Variants in EML6 observed in about 807,000 individuals in gnomAD.
EML6 encodes echinoderm microtubule-associated protein-like 6.
A neutral mutation model predicts 240.1 loss-of-function variants in EML6; 154 were observed. That is an observed-to-expected ratio of 0.64 (90% CI 0.56 to 0.73). The LOEUF (loss-of-function observed/expected upper bound fraction) is 0.73. Among genes scored for constraint, EML6 ranks in the 30% least tolerant of loss-of-function variants. The pLI, the probability that EML6 is intolerant of heterozygous loss-of-function variation, is 0.00. For synonymous variants in EML6, 1,148 were observed against 899.0 expected (o/e 1.28, Z -4.95); for missense variants, 2,964 against 2,474.6 (o/e 1.20, Z -4.20).
At chr2:54,735,775 T>C (rs571904155) in intron 2 of EML6, among the ~76,000 whole-genome samples, 1 of 152,360 alleles carries the variant, frequency 6.6e-6, no homozygotes, top group East Asian at 1.9e-4. Context: ...AAGCAACTTT[T>C]GAAAATCTGT....
chr2:54,855,272 G>C lies in EML6; in HGVS notation c.1657+1417G>C, dbSNP rs546339619. Among the ~76,000 whole-genome samples the C allele has an allele frequency of 3.3e-5, 5 of 152,176 alleles. No individual in the cohort carries two copies. The South Asian group carries it at 1.0e-3, about 32-fold the overall frequency. ...GCTCAGGAAACTTACAATCATGGCA[G>C]AAGGTGAGGGGGAGAAGGTACGTCA... is the stretch of plus-strand genomic sequence containing the variant. On this transcript the variant is annotated intron_variant, in intron 11 of 41. Transcript: ENST00000356458.
intron 2 of EML6, among the ~76,000 whole-genome samples, chr2:54,779,353 T>C (rs374823759): frequency 6.6e-6 from 1 of 150,724 alleles, no homozygotes; most frequent in Non-Finnish European, 1.5e-5. Flanking sequence ...AGCCTGGCCA[T>C]CATGGTGAAA....
In EML6 at chr2:54,954,287, A is replaced by AC; in HGVS notation, c.4486+132dup. 3 of 783,058 alleles carry AC rather than the reference A, an allele frequency of 3.8e-6. No homozygotes were observed. In the South Asian group the frequency reaches 6.0e-5, roughly 16 times the overall value. 48.5% of individuals were successfully genotyped at this position (783,058 alleles called of 1,614,324 possible). On this transcript the variant is annotated intron_variant, in intron 32 of 41. Transcript: ENST00000356458. ...CTGACTGCTGCTGGGCAAGTGGAAA[A>AC]CAGGGCACTGGGGATCCTGGTATAG...
chr2:54,889,779 A>C lies in EML6; in HGVS notation c.2439-1275A>C, dbSNP rs562548453. On this transcript the variant is annotated intron_variant, in intron 17 of 41. Coordinates refer to ENST00000356458, the MANE Select transcript of EML6 (RefSeq NM_001039753.4). ...GCCTTTTAAAATCTCCTCTAGTTGC[A>C]TTAGTTTATATGTTCAATACGATGT... 1.5e-3 allele frequency among the ~76,000 whole-genome samples: 233 copies of C among 152,240 alleles called. 1 individual carries two copies. The highest frequency in any genetic ancestry group is 2.5e-3 in the Non-Finnish European group (172 of 68,002).
intron 2 of EML6, among the ~76,000 whole-genome samples, chr2:54,812,519 T>G (rs1363299421): frequency 4.7e-5 from 3 of 63,960 alleles, no homozygotes; most frequent in South Asian, 4.6e-4. Context: ...TTTAAAACAT[T>G]AGGGTGATTT....
intron 29 of EML6, among the ~76,000 whole-genome samples, chr2:54,950,070 T>G (rs1410895122): frequency 6.6e-6 from 1 of 152,206 alleles, no homozygotes; most frequent in Admixed American, 6.5e-5. Context: ...CTGATCTGAA[T>G]CAGCCACTGT....
rs1347536554 is a variant in EML6 at position 54,955,229 on chromosome 2, C to A, written c.4486+1073C>A. Among the ~76,000 whole-genome samples the A allele has an allele frequency of 2.0e-5, 3 of 152,280 alleles. No individual in the cohort carries two copies. In the East Asian group the frequency reaches 5.8e-4, roughly 29 times the overall value. ...GGTGCAGATTCATTCCTTGTGATGTCAAGTGGCCAACTGATTGACCAGACT... is the reference window on the plus strand; with the variant it reads ...GGTGCAGATTCATTCCTTGTGATGTAAAGTGGCCAACTGATTGACCAGACT... On this transcript the variant is annotated intron_variant, in intron 32 of 41. Coordinates refer to ENST00000356458, the MANE Select transcript of EML6 (RefSeq NM_001039753.4).
intron 2 of EML6, among the ~76,000 whole-genome samples, chr2:54,798,172 A>G (rs889221036): frequency 9.9e-5 from 15 of 151,936 alleles, no homozygotes; most frequent in African/African-American, 2.4e-4. Flanking sequence ...TTTATAGTTT[A>G]TTTATTTATT....
At chr2:54,854,789 C>G (rs1446760091) in intron 11 of EML6, among the ~76,000 whole-genome samples, 1 of 152,246 alleles carries the variant, frequency 6.6e-6, no homozygotes, top group African/African-American at 2.4e-5. Context: ...GTGCAAGGCA[C>G]AGAATTATCT....
chr2:54,825,150 C>G (rs759036678), intron 5 of EML6, among the ~76,000 whole-genome samples: 1 of 152,016 alleles, frequency 6.6e-6, no homozygotes, highest in East Asian at 1.9e-4. Context: ...ATAACTCAGA[C>G]GGGGGGTGTA....
intron 28 of EML6, among the ~76,000 whole-genome samples, chr2:54,945,539 CT>C (rs1675652561): frequency 6.6e-6 from 1 of 152,136 alleles, no homozygotes; most frequent in Non-Finnish European, 1.5e-5. Context: ...GACTTGGTTT[CT>C]CACAGGCTGT....
chr2:54,895,889 C>T (rs565565084), intron 21 of EML6, among the ~76,000 whole-genome samples: 1 of 152,096 alleles, frequency 6.6e-6, no homozygotes, highest in South Asian at 2.1e-4. Context: ...AAGCCAAAAA[C>T]AGAGGGGAAA....
chr2:54,868,368 G>A (rs1671080307), intron 14 of EML6: 1 of 152,108 alleles, frequency 6.6e-6, no homozygotes, highest in African/African-American at 2.4e-5. Flanking sequence ...TTAATATGAT[G>A]GATTGGTTTT....
intron 2 of EML6, among the ~76,000 whole-genome samples, chr2:54,757,558 C>G (rs1468510655): frequency 6.6e-6 from 1 of 152,196 alleles, no homozygotes; most frequent in Non-Finnish European, 1.5e-5. Flanking sequence ...AGGCCGCCGA[C>G]TCACTTAACT....
At chr2:54,906,950 G>T (rs1673357755) in intron 24 of EML6, among the ~76,000 whole-genome samples, 2 of 152,122 alleles carry the variant, frequency 1.3e-5, no homozygotes, top group Admixed American at 1.3e-4. Context: ...GAAAGCATTT[G>T]CCAGAGCCAG....
Position 54,929,447 on chromosome 2 carries a change from A to G in EML6, c.4004+696A>G, listed in dbSNP as rs904290338. Among the ~76,000 whole-genome samples the G allele has an allele frequency of 3.9e-5, 6 of 152,224 alleles. No homozygotes were observed. In the East Asian group the frequency reaches 9.6e-4, roughly 24 times the overall value. ...TTACTTAATTTATCATATTCATGCT[A>G]AGAGTGGATATTGAATAAAAACTCT... is the stretch of plus-strand genomic sequence containing the variant. On this transcript the variant is annotated intron_variant, in intron 28 of 41. Coordinates refer to ENST00000356458, the MANE Select transcript of EML6 (RefSeq NM_001039753.4).
chr2:54,948,234 C>T (rs569949106), intron 28 of EML6, among the ~76,000 whole-genome samples: 54 of 152,224 alleles, frequency 3.5e-4, no homozygotes, highest in Non-Finnish European at 6.9e-4. Context: ...AAAACGGAGG[C>T]GGGAAAAGCA....
rs372410178 is a variant in EML6 at position 54,894,938 on chromosome 2, C to T, written c.2766C>T (p.Asp922=). The change falls in exon 20 of 42, where the codon GAC becomes GAT. Residue 922 remains aspartate (D), a synonymous_variant. Coordinates refer to ENST00000356458, the MANE Select transcript of EML6 (RefSeq NM_001039753.4). The part of the protein sequence containing the change: ...LDKGFVTGGK[D]GIVELWDDMF... ...AGGGCTTTGTAACAGGTGGAAAGGA[C>T]GGCATCGTGGAGCTCTGGGATGATA... 6.8e-5 allele frequency: 105 copies of T among 1,550,910 alleles called. No homozygotes were observed. The East Asian group carries it at 1.2e-3, about 18-fold the overall frequency.
chr2:54,872,792 C>T (rs949381736), intron 16 of EML6, among the ~76,000 whole-genome samples: 1 of 152,180 alleles, frequency 6.6e-6, no homozygotes, highest in Non-Finnish European at 1.5e-5. Context: ...TCAAGTCCTC[C>T]CGCCCTTTAA....
Sources: allele counts gnomAD v4.1 joint callset (sites outside exome capture counted in the v4.1 genomes callset), GRCh38; gene constraint gnomAD v4.1.1; transcripts MANE v1.5; gene names NCBI Gene and HGNC (gene_info 2026-07-23, HGNC 2026-07-21).